FGF14: variants seen among roughly 807,000 people sequenced by gnomAD.
FGF14 encodes fibroblast growth factor 14.
FGF14 carries 5 observed loss-of-function variants against 25.5 expected under a neutral mutation model. The ratio of observed to expected loss-of-function variants is 0.20; its 90% CI spans 0.10 to 0.41. The LOEUF is 0.41. Among genes scored for constraint, FGF14 ranks in the 10% least tolerant of loss-of-function variants. The pLI, the probability that FGF14 is intolerant of heterozygous loss-of-function variation, is 1.00. For synonymous variants in FGF14, 138 were observed against 118.3 expected (o/e 1.17, Z -1.08); for missense variants, 222 against 320.1 (o/e 0.69, Z 2.34).
At chr13:101,753,304 C>G (rs1031309628) in intron 3 of FGF14, among the ~76,000 whole-genome samples, 24 of 147,194 alleles carry the variant, frequency 1.6e-4, no homozygotes, top group South Asian at 6.3e-4. Flanking sequence ...GACAGACACA[C>G]ACACACACAC....
At chr13:102,383,985 T>C (rs1055486404) in intron 1 of FGF14, among the ~76,000 whole-genome samples, 1 of 152,240 alleles carries the variant, frequency 6.6e-6, no homozygotes, top group Non-Finnish European at 1.5e-5. Context: ...AGTCATGGTG[T>C]TCCAATTACT....
intron 1 of FGF14, among the ~76,000 whole-genome samples, chr13:102,155,623 A>T (rs2047296040): frequency 6.6e-6 from 1 of 152,176 alleles, no homozygotes; most frequent in Non-Finnish European, 1.5e-5. Flanking sequence ...AAGAGCAAAC[A>T]CATTCAAAAG....
chr13:101,760,971 A>G (rs1347743860), intron 3 of FGF14, among the ~76,000 whole-genome samples: 2 of 152,176 alleles, frequency 1.3e-5, no homozygotes, highest in Admixed American at 6.5e-5. Flanking sequence ...ATGAAAAAAA[A>G]AGTATTACTT....
At chr13:102,065,909 T>C (rs2042885271) in intron 1 of FGF14, among the ~76,000 whole-genome samples, 1 of 152,102 alleles carries the variant, frequency 6.6e-6, no homozygotes, top group Non-Finnish European at 1.5e-5. Flanking sequence ...CATTAATCAT[T>C]TTAAAAATCA....
chr13:102,081,199 T>C (rs1416471307), intron 1 of FGF14, among the ~76,000 whole-genome samples: 2 of 152,258 alleles, frequency 1.3e-5, no homozygotes, highest in Non-Finnish European at 2.9e-5. Context: ...ATTGTTGCCC[T>C]TCTTGGCCAT....
intron 1 of FGF14, among the ~76,000 whole-genome samples, chr13:102,039,718 A>C (rs941264323): frequency 2.0e-5 from 3 of 152,156 alleles, no homozygotes; most frequent in African/African-American, 7.2e-5. Context: ...ATATGGTCAC[A>C]TTAATAGGCA....
chr13:102,217,798 T>C (rs1010105312), intron 1 of FGF14, among the ~76,000 whole-genome samples: 25 of 152,252 alleles, frequency 1.6e-4, no homozygotes, highest in Admixed American at 6.5e-5. Context: ...ACAGCTGAGA[T>C]GGCCCCAGCT....
At chr13:102,337,651 T>C (rs1233812887) in intron 1 of FGF14, among the ~76,000 whole-genome samples, 2 of 152,082 alleles carry the variant, frequency 1.3e-5, no homozygotes, top group Non-Finnish European at 2.9e-5. Context: ...TACAGAGAAA[T>C]TTCTAGTGAA....
chr13:102,072,053 A>T (rs1452977505), intron 1 of FGF14, among the ~76,000 whole-genome samples: 1 of 152,242 alleles, frequency 6.6e-6, no homozygotes, highest in African/African-American at 2.4e-5. Context: ...ATGAAAATTG[A>T]GAGGCAGAGC....
chr13:102,335,043 C>A (rs1291366870), intron 1 of FGF14, among the ~76,000 whole-genome samples: 2 of 152,154 alleles, frequency 1.3e-5, no homozygotes, highest in Non-Finnish European at 2.9e-5. Context: ...TTCCATCAAA[C>A]CCTACTTTCC....
chr13:102,323,443 C>A (rs1400911201), intron 1 of FGF14, among the ~76,000 whole-genome samples: 1 of 152,074 alleles, frequency 6.6e-6, no homozygotes, highest in East Asian at 1.9e-4. Flanking sequence ...TTATAATTTT[C>A]ATATAAGTTG....
chr13:102,400,540 GGCC>G lies in FGF14; in HGVS notation c.208+928_208+930del, dbSNP rs1194486205. ...CTGGGTTGCTCGCCCACAGCTCCGC[GGCC>G]GCCCCCAATCGCCTCGGACTGAGAC... On this transcript the variant is annotated intron_variant, in intron 1 of 4. Coordinates refer to the FGF14 transcript ENST00000376131. This position sits in a 1 kb window ranked among gnomAD's most constrained non-coding sequence, Gnocchi z 4.3. 5.3e-5 allele frequency among the ~76,000 whole-genome samples: 8 copies of G among 152,288 alleles called. No homozygotes were observed. In the East Asian group the frequency reaches 1.5e-3, roughly 29 times the overall value.
chr13:101,763,293 G>T (rs1229550232), intron 3 of FGF14, among the ~76,000 whole-genome samples: 2 of 152,088 alleles, frequency 1.3e-5, no homozygotes, highest in East Asian at 3.9e-4. Context: ...TAAGGCAAGG[G>T]GTGCTCTCTG....
intron 3 of FGF14, among the ~76,000 whole-genome samples, chr13:101,755,263 C>G (rs1241585735): frequency 6.6e-6 from 1 of 152,168 alleles, no homozygotes; most frequent in African/African-American, 2.4e-5. Flanking sequence ...TCACTTCACA[C>G]TACCCACCCT....
chr13:102,257,144 A>G (rs960185599), intron 1 of FGF14, among the ~76,000 whole-genome samples: 8 of 152,122 alleles, frequency 5.3e-5, no homozygotes, highest in African/African-American at 1.9e-4. Context: ...TCACAACAAT[A>G]GTATCAGAGT....
At position 102,335,363 on chromosome 13, in the gene FGF14, C is replaced by T. The variant is rs150127799; in HGVS notation, c.208+66108G>A. Among the ~76,000 whole-genome samples, 516 of 152,238 alleles carry T rather than the reference C, an allele frequency of 3.4e-3. 2 individuals are homozygous for T. The highest frequency in any genetic ancestry group is 0.012 in the African/African-American group (481 of 41,548). On this transcript the variant is annotated intron_variant, in intron 1 of 4. Coordinates refer to the FGF14 transcript ENST00000376131. Reference sequence around the variant, plus strand: ...GGACCTCATGGATTTTCTAAATTATCTCTAATTGCTATCTATGCATCTACA... The same window carrying T: ...GGACCTCATGGATTTTCTAAATTATTTCTAATTGCTATCTATGCATCTACA...
intron 1 of FGF14, among the ~76,000 whole-genome samples, chr13:102,378,633 A>ATCTATC (rs140797016): frequency 0.015 from 2,106 of 141,618 alleles, 26 homozygotes; most frequent in East Asian, 0.05. Flanking sequence ...CTATCTATCT[A>ATCTATC]TATATATATA....
At chr13:102,127,653 C>A (rs972911298) in intron 1 of FGF14, among the ~76,000 whole-genome samples, 1 of 152,140 alleles carries the variant, frequency 6.6e-6, no homozygotes, top group African/African-American at 2.4e-5. Context: ...ATGTTCTATT[C>A]TTTTTGTTAC....
At chr13:102,059,795 G>A (rs964777309) in intron 1 of FGF14, among the ~76,000 whole-genome samples, 16 of 151,324 alleles carry the variant, frequency 1.1e-4, no homozygotes, top group Non-Finnish European at 7.4e-5. Context: ...AGGTTGCAGC[G>A]AGCCGAGATC....
Sources: allele counts gnomAD v4.1 joint callset (sites outside exome capture counted in the v4.1 genomes callset), GRCh38; gene constraint gnomAD v4.1.1; non-coding constraint Gnocchi (gnomAD v3.1); transcripts MANE v1.5; gene names NCBI Gene and HGNC (gene_info 2026-07-23, HGNC 2026-07-21).